POSTN: variants seen among roughly 807,000 people sequenced by gnomAD.
POSTN encodes osteoblast specific factor 2 (fasciclin I-like).
POSTN carries 71 observed loss-of-function variants against 104.5 expected under a neutral mutation model. The observed-to-expected ratio is 0.68, with a 90% CI of 0.56 to 0.83. The LOEUF (loss-of-function observed/expected upper bound fraction) is 0.83. POSTN is among the 40% of genes least tolerant of loss of function. The probability of loss-of-function intolerance (pLI) is 0.00; values close to 1 mark genes in which losing one functional copy is unlikely to be tolerated. For synonymous variants in POSTN, 355 were observed against 340.7 expected, an observed-to-expected ratio of 1.04 and a Z score of -0.46; for missense variants, 949 against 1,006.8, an observed-to-expected ratio of 0.94 and a Z score of 0.78.
At chr13:37,569,874 T>G in intron 19 of POSTN, 53 bp from the exon 20 acceptor site, 1 of 1,231,900 alleles carries the variant, frequency 8.1e-7, no homozygotes, top group Non-Finnish European at 1.2e-6. Flanking sequence ...AAACTTCTTC[T>G]GCGAAGTGAC....
chr13:37,583,340 TAAAG>T (rs1272066677), intron 9 of POSTN, among the ~76,000 whole-genome samples: 1 of 152,040 alleles, frequency 6.6e-6, no homozygotes, highest in Non-Finnish European at 1.5e-5. Flanking sequence ...TGGTATCAAA[TAAAG>T]AAATCAGTTT....
At chr13:37,594,763 G>GT (rs78641506) in intron 2 of POSTN, among the ~76,000 whole-genome samples, 59,795 of 151,708 alleles carry the variant, frequency 0.39, 12,395 homozygotes, top group Middle Eastern at 0.49. Flanking sequence ...CAGAGCAACT[G>GT]TCAGCTGAAA....
chr13:37,567,047 TA>T (rs1440979520), intron 21 of POSTN, among the ~76,000 whole-genome samples: 1 of 149,604 alleles, frequency 6.7e-6, no homozygotes, highest in Non-Finnish European at 1.5e-5. Flanking sequence ...CCATCCCGGC[TA>T]AAACGGTGAA....
At chr13:37,579,789 G>A (rs1281269654) in intron 12 of POSTN, 72 bp downstream of exon 12, 1 of 1,522,988 alleles carries the variant, frequency 6.6e-7, no homozygotes. Context: ...CAGACATCTG[G>A]ACAGGAAAGC....
intron 21 of POSTN, among the ~76,000 whole-genome samples, chr13:37,567,832 T>C (rs1276156801): frequency 6.6e-6 from 1 of 152,140 alleles, no homozygotes; most frequent in Non-Finnish European, 1.5e-5. Flanking sequence ...AGTATTTAAC[T>C]GGATTTTTCA....
At chr13:37,567,280 G>A (rs9547959) in intron 21 of POSTN, among the ~76,000 whole-genome samples, 143,693 of 144,242 alleles carry the variant, frequency 1, 71,582 homozygotes, top group Middle Eastern at 1. Flanking sequence ...CAATGTATAC[G>A]ATATGAACTG....
chr13:37,597,396 C>T, intron 1 of POSTN, 114 bp from the exon 2 acceptor site: 1 of 673,186 alleles, frequency 1.5e-6, no homozygotes, highest in South Asian at 1.9e-5. Context: ...TATCCAAAGA[C>T]ATGATTCTAG....
intron 21 of POSTN, among the ~76,000 whole-genome samples, chr13:37,567,446 G>C (rs952917831): frequency 6.6e-6 from 1 of 151,744 alleles, no homozygotes; most frequent in Non-Finnish European, 1.5e-5. Flanking sequence ...TCTAGACAAG[G>C]GGATACTTGT....
intron 4 of POSTN, among the ~76,000 whole-genome samples, chr13:37,589,651 G>A (rs779130965): frequency 1.9e-4 from 29 of 152,114 alleles, no homozygotes; most frequent in Non-Finnish European, 4.1e-4. Flanking sequence ...AACCAGAGGA[G>A]CGATTTCTAT....
chr13:37,577,912 A>G (rs1446508792), intron 15 of POSTN, 114 bp from the exon 16 acceptor site: 2 of 1,484,438 alleles, frequency 1.3e-6, no homozygotes, highest in African/African-American at 2.8e-5. Flanking sequence ...TATTACACTT[A>G]ATAGAAGTGA....
intron 18 of POSTN, 76 bp from the exon 19 acceptor site, chr13:37,570,745 A>G (rs905260953): frequency 2.3e-6 from 2 of 875,568 alleles, no homozygotes; most frequent in Non-Finnish European, 3.8e-6. Flanking sequence ...AGACATTGTA[A>G]TGATTAACTA....
chr13:37,580,504 A>C, intron 11 of POSTN, 57 bp downstream of exon 11: 1 of 1,602,208 alleles, frequency 6.2e-7, no homozygotes, highest in South Asian at 1.1e-5. Flanking sequence ...ACCGCCTATG[A>C]AACAAAAATA....
At chr13:37,590,016 T>C (rs1428169023) in intron 4 of POSTN, among the ~76,000 whole-genome samples, 3 of 152,164 alleles carry the variant, frequency 2.0e-5, no homozygotes, top group Non-Finnish European at 4.4e-5. Context: ...TAATTTTAAA[T>C]TTCAGTAGGC....
At chr13:37,570,420 T>G (rs1010267383) in intron 19 of POSTN, among the ~76,000 whole-genome samples, 160 bp downstream of exon 19, 4 of 151,836 alleles carry the variant, frequency 2.6e-5, no homozygotes, top group Non-Finnish European at 4.4e-5. Context: ...AAAACATAGA[T>G]TACATATTTA....
At chr13:37,568,305 T>C (rs932778600) in intron 21 of POSTN, among the ~76,000 whole-genome samples, 1 of 152,100 alleles carries the variant, frequency 6.6e-6, no homozygotes, top group East Asian at 1.9e-4. Flanking sequence ...ATTTAAGAGA[T>C]TTTACGTTTA....
chr13:37,597,117 G>A, intron 2 of POSTN, 67 bp downstream of exon 2: 5 of 1,021,780 alleles, frequency 4.9e-6, no homozygotes, highest in Non-Finnish European at 7.0e-6. Context: ...GTACACCCAG[G>A]GGAAGGCATA....
intron 7 of POSTN, among the ~76,000 whole-genome samples, chr13:37,585,496 A>G (rs12871092): frequency 0.085 from 13,015 of 152,276 alleles, 808 homozygotes; most frequent in East Asian, 0.34. Flanking sequence ...ATAGAGGCTG[A>G]GGATAAGACA....
Position 37,563,041 on chromosome 13 carries a change from G to A in POSTN, c.*292C>T, listed in dbSNP as rs1351347261. The A allele has an allele frequency of 4.3e-6, 1 of 230,556 alleles. No homozygotes were observed. Among genetic ancestry groups the A allele is most frequent in the African/African-American group, 2.2e-5 (1 of 44,558 alleles). 14.3% of individuals were successfully genotyped at this position (230,556 alleles called of 1,614,324 possible). Reference sequence around the variant, plus strand: ...TGAATTGTAATGAATCTGGTGACAAGGATTTTTCTCTAATGGATTCCAAAG... The same window carrying A: ...TGAATTGTAATGAATCTGGTGACAAAGATTTTTCTCTAATGGATTCCAAAG... On this transcript the variant is annotated 3_prime_UTR_variant, in exon 23 of 23. Transcript: ENST00000379747.
At chr13:37,578,593 C>A (rs574296597) in intron 15 of POSTN, among the ~76,000 whole-genome samples, 3 of 151,816 alleles carry the variant, frequency 2.0e-5, no homozygotes, top group Admixed American at 6.6e-5. Context: ...GTCAGGAGAT[C>A]GAGACCATCC....
Sources: gnomAD v4.1 joint callset for allele counts (sites outside exome capture counted in the v4.1 genomes callset) on GRCh38, gnomAD v4.1.1 for gene constraint, MANE v1.5 for transcripts, NCBI Gene and HGNC (gene_info 2026-07-23, HGNC 2026-07-21) for gene names.